NBAS: variants seen among roughly 807,000 people sequenced by gnomAD.
NBAS encodes the protein NAG/BC035112 fusion.
In NBAS, 219 loss-of-function variants were observed where a neutral mutation model predicts 302.5. The observed-to-expected ratio is 0.72, with a 90% CI of 0.65 to 0.81. The LOEUF is 0.81. Among genes scored for constraint, NBAS ranks in the 30% least tolerant of loss-of-function variants. The pLI, the probability that NBAS is intolerant of heterozygous loss-of-function variation, is 0.00. For missense variants in NBAS, 2,932 were observed against 2,841.6 expected, an observed-to-expected ratio of 1.03 and a Z score of -0.72; for synonymous variants, 1,118 against 1,021.6, an observed-to-expected ratio of 1.09 and a Z score of -1.80.
At chr2:15,328,436 G>T in intron 36 of NBAS, 124 bp from the exon 37 acceptor site, 1 of 794,228 alleles carries the variant, frequency 1.3e-6, no homozygotes, top group South Asian at 1.5e-5. Flanking sequence ...AAAGAAACTG[G>T]TAATGCCTGC....
At chr2:15,423,500 A>T (rs964460405) in intron 23 of NBAS, among the ~76,000 whole-genome samples, 5 of 152,200 alleles carry the variant, frequency 3.3e-5, no homozygotes, top group Non-Finnish European at 7.3e-5. Flanking sequence ...TAAAATTTTT[A>T]AAAAACTTGT....
At chr2:15,542,187 G>A (rs1331469269) in intron 6 of NBAS, among the ~76,000 whole-genome samples, 1 of 85,810 alleles carries the variant, frequency 1.2e-5, no homozygotes, top group African/African-American at 4.2e-5. Context: ...GAATAGAAAG[G>A]GGGGAAAAGT....
At chr2:15,067,148 C>A in the NBAS span, among the ~76,000 whole-genome samples, 1 of 106,128 alleles carries the variant, frequency 9.4e-6, no homozygotes, top group Non-Finnish European at 1.8e-5. Flanking sequence ...CATAGTGAGA[C>A]CTTATCTCCA....
chr2:15,156,270 C>T, the NBAS span, among the ~76,000 whole-genome samples: 1 of 152,118 alleles, frequency 6.6e-6, no homozygotes, highest in Non-Finnish European at 1.5e-5. Context: ...AAGGCCTCTT[C>T]CTAGAAGCAG....
intron 6 of NBAS, among the ~76,000 whole-genome samples, chr2:15,541,726 T>TA (rs1237703981): frequency 6.6e-6 from 1 of 150,862 alleles, no homozygotes; most frequent in Non-Finnish European, 1.5e-5. Context: ...ACTGCTAAAA[T>TA]AAAAAATCAA....
At chr2:15,442,962 G>A (rs530399888) in intron 21 of NBAS, among the ~76,000 whole-genome samples, 1 of 152,118 alleles carries the variant, frequency 6.6e-6, no homozygotes, top group Admixed American at 6.5e-5. Flanking sequence ...GGAAGAAGTC[G>A]AATCTCTGAA....
chr2:14,815,679 C>T, the NBAS span, among the ~76,000 whole-genome samples: 5 of 152,188 alleles, frequency 3.3e-5, no homozygotes, highest in African/African-American at 1.2e-4. Flanking sequence ...CCAGACATCT[C>T]TTCTGTGCTC....
intron 9 of NBAS, among the ~76,000 whole-genome samples, chr2:15,533,254 A>G (rs1663308347): frequency 6.6e-6 from 1 of 152,240 alleles, no homozygotes; most frequent in Non-Finnish European, 1.5e-5. Context: ...ACAATCCAGC[A>G]TTGGCACTCC....
At chr2:15,027,999 CT>C in the NBAS span, among the ~76,000 whole-genome samples, 1 of 152,140 alleles carries the variant, frequency 6.6e-6, no homozygotes, top group Non-Finnish European at 1.5e-5. Flanking sequence ...CATCATCACA[CT>C]TTATTCTTTT....
the NBAS span, among the ~76,000 whole-genome samples, chr2:15,125,482 T>C: frequency 6.7e-6 from 1 of 150,368 alleles, no homozygotes; most frequent in Non-Finnish European, 1.5e-5. Context: ...TCATGAGGGA[T>C]CCACTCCCAT....
At chr2:15,304,388 C>T (rs1408716163) in intron 40 of NBAS, among the ~76,000 whole-genome samples, 1 of 152,162 alleles carries the variant, frequency 6.6e-6, no homozygotes. Context: ...TCTTTCAAGT[C>T]TCAGGTAGTT....
At chr2:14,911,469 G>C in the NBAS span, among the ~76,000 whole-genome samples, 1 of 152,172 alleles carries the variant, frequency 6.6e-6, no homozygotes, top group African/African-American at 2.4e-5. Context: ...GTGACTCTCT[G>C]AGAGAGGGGC....
At chr2:14,900,629 C>A in the NBAS span, among the ~76,000 whole-genome samples, 2 of 152,132 alleles carry the variant, frequency 1.3e-5, no homozygotes, top group African/African-American at 4.8e-5. Context: ...CTCCATTATG[C>A]CCAGTATTAA....
the NBAS span, among the ~76,000 whole-genome samples, chr2:14,972,052 G>GA: frequency 3.5e-3 from 511 of 147,478 alleles, 2 homozygotes; most frequent in African/African-American, 0.011. Flanking sequence ...TATGTACAGA[G>GA]AAAAAAAAAA....
chr2:14,910,702 A>G, the NBAS span, among the ~76,000 whole-genome samples: 3 of 152,204 alleles, frequency 2.0e-5, no homozygotes, highest in Non-Finnish European at 1.5e-5. Context: ...GAAACTAAGA[A>G]CTTGATTTAT....
chr2:15,453,031 T>C (rs1259871487), intron 21 of NBAS, among the ~76,000 whole-genome samples: 1 of 152,180 alleles, frequency 6.6e-6, no homozygotes, highest in Non-Finnish European at 1.5e-5. Context: ...AATTGGTCAC[T>C]AGAAGGGTGA....
At chr2:15,424,569 A>G in intron 22 of NBAS, 101 bp from the exon 23 acceptor site, 1 of 1,331,876 alleles carries the variant, frequency 7.5e-7, no homozygotes, top group Admixed American at 1.7e-5. Context: ...AGAAAGTAAG[A>G]GACAGGGAGC....
chr2:15,186,992 G>A, intron 49 of NBAS, 112 bp from the exon 50 acceptor site: 1 of 1,447,478 alleles, frequency 6.9e-7, no homozygotes, highest in Non-Finnish European at 9.6e-7. Context: ...CAGAATCTAG[G>A]TGACGTGCTG....
intron 48 of NBAS, among the ~76,000 whole-genome samples, chr2:15,212,224 C>T (rs149344941): frequency 6.6e-6 from 1 of 152,290 alleles, no homozygotes; most frequent in Admixed American, 6.5e-5. Flanking sequence ...TTCCAACTGG[C>T]ATCCCTCCAG....
Sources: allele counts gnomAD v4.1 joint callset (sites outside exome capture counted in the v4.1 genomes callset), GRCh38; gene constraint gnomAD v4.1.1; transcripts MANE v1.5; gene names NCBI Gene and HGNC (gene_info 2026-07-23, HGNC 2026-07-21).